The following XPR1 variants were observed in gnomAD, a reference collection of about 807,000 sequenced individuals.
The protein encoded by XPR1 is solute carrier family 53 member 1.
XPR1 carries 28 observed loss-of-function variants against 87.5 expected under a neutral mutation model. The observed-to-expected ratio is 0.32, with a 90% CI of 0.24 to 0.44. XPR1 has a LOEUF of 0.44. XPR1 is among the 20% of genes least tolerant of loss of function. XPR1 has a pLI of 1.00. For synonymous variants in XPR1, 300 were observed against 306.1 expected (o/e 0.98, Z 0.21); for missense variants, 559 against 862.3 (o/e 0.65, Z 4.41).
chr1:180,634,124 A>C lies in XPR1; in HGVS notation c.69+1854A>C, dbSNP rs180698923. On this transcript the variant is annotated intron_variant, in intron 1 of 14. Coordinates refer to ENST00000367590, the MANE Select transcript of XPR1 (RefSeq NM_004736.4). ...AACCACATTGATTCTGGGACTCCTCATTCACATAGTCCACTTGGATACTGT... is the reference window on the plus strand; with the variant it reads ...AACCACATTGATTCTGGGACTCCTCCTTCACATAGTCCACTTGGATACTGT... Among the ~76,000 whole-genome samples the C allele has an allele frequency of 4.6e-3, 701 of 152,326 alleles. 12 individuals are homozygous for C. Among genetic ancestry groups the C allele is most frequent in the African/African-American group, 0.016 (678 of 41,572 alleles).
At chr1:180,846,164 A>G (rs1385636033) in intron 11 of XPR1, among the ~76,000 whole-genome samples, 3 of 151,622 alleles carry the variant, frequency 2.0e-5, no homozygotes, top group Non-Finnish European at 4.4e-5. Context: ...CGGGAGGCCA[A>G]GGCAGGAGAA....
In XPR1 at chr1:180,884,716, A is replaced by G. The variant is rs1052316056; in HGVS notation, c.*650A>G. The G allele has an allele frequency of 6.5e-6, 1 of 152,674 alleles. No individual in the cohort carries two copies. The highest frequency in any genetic ancestry group is 2.4e-5 in the African/African-American group (1 of 41,458). The allele number at this position is 152,674 out of a possible 1,614,324, so 9.5% of individuals were successfully genotyped here. On this transcript the variant is annotated 3_prime_UTR_variant, in exon 15 of 15. Coordinates refer to ENST00000367590, the MANE Select transcript of XPR1 (RefSeq NM_004736.4). ...TATTTATGAAACTTAACCATACAGA[A>G]TGATATAACTCCTGTGCAATGAAGG...
chr1:180,852,508 A>G (rs943827624), intron 11 of XPR1, among the ~76,000 whole-genome samples: 1 of 151,946 alleles, frequency 6.6e-6, no homozygotes, highest in African/African-American at 2.4e-5. Flanking sequence ...ACTTTATGCT[A>G]TTTTGAGAGA....
intron 2 of XPR1, among the ~76,000 whole-genome samples, chr1:180,783,325 A>G (rs966671543): frequency 8.5e-5 from 13 of 152,110 alleles, no homozygotes; most frequent in Non-Finnish European, 1.5e-4. Context: ...TGTATAATTT[A>G]AAGGTCTGGA....
At chr1:180,737,485 A>G (rs950097674) in intron 2 of XPR1, among the ~76,000 whole-genome samples, 1 of 152,198 alleles carries the variant, frequency 6.6e-6, no homozygotes, top group Non-Finnish European at 1.5e-5. Flanking sequence ...ATATAGTGAA[A>G]TTGACTTCTT....
chr1:180,667,388 C>T (rs923525813), intron 1 of XPR1, among the ~76,000 whole-genome samples: 1 of 152,052 alleles, frequency 6.6e-6, no homozygotes, highest in Non-Finnish European at 1.5e-5. Flanking sequence ...TGGTGTATTA[C>T]ATTGATTGAT....
intron 2 of XPR1, among the ~76,000 whole-genome samples, chr1:180,718,776 C>T (rs529242423): frequency 2.1e-4 from 32 of 151,044 alleles, no homozygotes; most frequent in Non-Finnish European, 3.8e-4. Context: ...TCAAGCGATT[C>T]TCCTGCCTCA....
At chr1:180,710,219 T>TA (rs1657715821) in intron 2 of XPR1, among the ~76,000 whole-genome samples, 1 of 151,654 alleles carries the variant, frequency 6.6e-6, no homozygotes, top group African/African-American at 2.4e-5. Context: ...TTTTTTTTTT[T>TA]AATTGATCAT....
chr1:180,800,711 G>T (rs1305698021), intron 3 of XPR1, among the ~76,000 whole-genome samples: 1 of 152,148 alleles, frequency 6.6e-6, no homozygotes, highest in Non-Finnish European at 1.5e-5. Context: ...GCAAAGTCTG[G>T]ATATTTCCTT....
intron 1 of XPR1, among the ~76,000 whole-genome samples, chr1:180,665,698 C>A (rs1655932709): frequency 6.6e-6 from 1 of 152,172 alleles, no homozygotes; most frequent in Admixed American, 6.5e-5. Context: ...TGCAGAGATT[C>A]TCTCTCTGTG....
chr1:180,705,040 C>A (rs536644116), intron 2 of XPR1, among the ~76,000 whole-genome samples: 1 of 151,596 alleles, frequency 6.6e-6, no homozygotes, highest in South Asian at 2.1e-4. Flanking sequence ...AGCTTAAAGT[C>A]TTAGTACACT....
chr1:180,866,358 T>G (rs1652390189), intron 12 of XPR1, among the ~76,000 whole-genome samples: 1 of 152,232 alleles, frequency 6.6e-6, no homozygotes, highest in Non-Finnish European at 1.5e-5. Flanking sequence ...TCTTAGGGAT[T>G]AACAGTTCTT....
intron 11 of XPR1, among the ~76,000 whole-genome samples, chr1:180,857,202 C>A (rs960825903): frequency 1.3e-5 from 2 of 152,132 alleles, no homozygotes; most frequent in African/African-American, 2.4e-5. Context: ...TGTCAGTACC[C>A]AAGTCCCAAC....
chr1:180,749,639 TCACACACACACACACACACA>T (rs139363505), intron 2 of XPR1, among the ~76,000 whole-genome samples: 1 of 142,340 alleles, frequency 7.0e-6, no homozygotes, highest in Non-Finnish European at 1.5e-5. Context: ...CACATATACA[TCACACACACACACACACACA>T]CACACACACA....
intron 11 of XPR1, among the ~76,000 whole-genome samples, chr1:180,852,779 G>A (rs1250305346): frequency 2.0e-5 from 3 of 152,052 alleles, no homozygotes; most frequent in East Asian, 1.9e-4. Flanking sequence ...CTCTCACTTC[G>A]GCCTCCCAAA....
At chr1:180,672,510 T>C (rs1258910380) in intron 1 of XPR1, among the ~76,000 whole-genome samples, 1 of 152,214 alleles carries the variant, frequency 6.6e-6, no homozygotes. Flanking sequence ...GTTGATTCTT[T>C]GTATAGTACA....
In XPR1 at chr1:180,761,374, G is replaced by C. The variant is rs576437833; in HGVS notation, c.122-26379G>C. 4.6e-5 allele frequency among the ~76,000 whole-genome samples: 7 copies of C among 152,266 alleles called. No individual in the cohort carries two copies. In the South Asian group the frequency reaches 1.5e-3, roughly 32 times the overall value. ...GAAAATTTTCGCAACCTACTCGTCT[G>C]ACAAAGGGCTAATATCCAGAATCTA... On this transcript the variant is annotated intron_variant, in intron 2 of 14. Transcript: ENST00000367590.
intron 9 of XPR1, among the ~76,000 whole-genome samples, 169 bp from the exon 10 acceptor site, chr1:180,834,705 C>T (rs1472476527): frequency 6.6e-6 from 1 of 152,184 alleles, no homozygotes; most frequent in Non-Finnish European, 1.5e-5. Context: ...ATTCCTTTCA[C>T]TGCTAATTCT....
chr1:180,695,440 G>GTGTGTGTA (rs1166850519), intron 2 of XPR1, among the ~76,000 whole-genome samples: 5 of 150,608 alleles, frequency 3.3e-5, no homozygotes, highest in Admixed American at 2.7e-4. Flanking sequence ...GTGTGTGTGT[G>GTGTGTGTA]TATGCGCGCG....
Sources: allele counts gnomAD v4.1 joint callset (sites outside exome capture counted in the v4.1 genomes callset), GRCh38; gene constraint gnomAD v4.1.1; transcripts MANE v1.5; gene names NCBI Gene and HGNC (gene_info 2026-07-23, HGNC 2026-07-21).